The following PHLDB2 variants were observed in gnomAD, a reference collection of about 807,000 sequenced individuals.
The protein encoded by PHLDB2 is pleckstrin homology-like domain family B member 2.
In PHLDB2, 71 loss-of-function variants were observed where a neutral mutation model predicts 123.6. The observed-to-expected ratio is 0.57, with a 90% CI of 0.47 to 0.70. PHLDB2 has a LOEUF of 0.70. Ranked by LOEUF, PHLDB2 falls within the 30% of genes least tolerant of loss-of-function variation. The probability of loss-of-function intolerance (pLI) is 0.00; values close to 1 mark genes in which losing one functional copy is unlikely to be tolerated. For missense variants in PHLDB2, 1,446 were observed against 1,519.5 expected (o/e 0.95, Z 0.80); for synonymous variants, 547 against 541.6 (o/e 1.01, Z -0.14).
chr3:111,813,102 A>T (rs73855635), intron 1 of PHLDB2, among the ~76,000 whole-genome samples: 82 of 152,172 alleles, frequency 5.4e-4, no homozygotes, highest in African/African-American at 2.0e-3. Flanking sequence ...AACTTAAAAG[A>T]CTCCAGCTGA....
intron 12 of PHLDB2, among the ~76,000 whole-genome samples, chr3:111,955,811 A>G (rs1252136782): frequency 6.6e-6 from 1 of 152,216 alleles, no homozygotes; most frequent in Non-Finnish European, 1.5e-5. Context: ...ACACCAACAA[A>G]GACCATTAAG....
In PHLDB2 at chr3:111,884,570, G is replaced by A; in HGVS notation, c.493G>A (p.Gly165Arg). ...HKSHDNVYSLGGLEGRKASGS... is the reference protein window; with the variant it reads ...HKSHDNVYSLRGLEGRKASGS... ...ATCGCATGACAATGTCTACTCTCTTGGAGGGCTGGAAGGTCGGAAGGCATC... is the reference window on the plus strand; with the variant it reads ...ATCGCATGACAATGTCTACTCTCTTAGAGGGCTGGAAGGTCGGAAGGCATC... Residue 165 changes from glycine (G) to arginine (R), a missense_variant, in exon 2 of 18, where the codon GGA (glycine) becomes AGA (arginine). Physicochemically the swap from Gly to Arg is moderately radical, Grantham distance 125. Coordinates refer to ENST00000431670, the MANE Select transcript of PHLDB2 (RefSeq NM_001134438.2). 1 of 1,614,092 alleles carries A rather than the reference G, an allele frequency of 6.2e-7. No homozygotes were observed. Among genetic ancestry groups the A allele is most frequent in the Admixed American group, 1.7e-5 (1 of 60,012 alleles).
chr3:111,860,667 A>T (rs1398065417), intron 1 of PHLDB2, among the ~76,000 whole-genome samples: 2 of 151,862 alleles, frequency 1.3e-5, no homozygotes, highest in Non-Finnish European at 2.9e-5. Flanking sequence ...TACCTTTCTT[A>T]TGTAAAAGAG....
chr3:111,923,067 A>T (rs927676846), intron 5 of PHLDB2, among the ~76,000 whole-genome samples: 12 of 151,198 alleles, frequency 7.9e-5, no homozygotes, highest in Non-Finnish European at 1.5e-4. Context: ...CTACTACCTT[A>T]TCTCTCTTCT....
At chr3:111,845,692 T>C (rs902380347) in intron 1 of PHLDB2, 1 of 1,054,064 alleles carries the variant, frequency 9.5e-7, no homozygotes, top group Middle Eastern at 2.7e-4. Context: ...GTTTTTCAAC[T>C]TCAGCAGTAG....
intron 1 of PHLDB2, among the ~76,000 whole-genome samples, chr3:111,870,832 T>C (rs986421779): frequency 6.6e-6 from 1 of 152,172 alleles, no homozygotes; most frequent in African/African-American, 2.4e-5. Context: ...ACATCAGTGC[T>C]GAAAGAGACC....
intron 9 of PHLDB2, among the ~76,000 whole-genome samples, chr3:111,946,802 G>T (rs1279086830): frequency 6.6e-6 from 1 of 152,224 alleles, no homozygotes; most frequent in Non-Finnish European, 1.5e-5. Flanking sequence ...ACTCTGGGCT[G>T]CTCTGTGACT....
chr3:111,882,923 C>T (rs1302773008), intron 1 of PHLDB2, among the ~76,000 whole-genome samples: 1 of 152,226 alleles, frequency 6.6e-6, no homozygotes, highest in African/African-American at 2.4e-5. Flanking sequence ...GACATAACCT[C>T]TTCCTTAAAC....
chr3:111,857,184 G>A (rs960762813), upstream of PHLDB2, among the ~76,000 whole-genome samples: 2 of 152,156 alleles, frequency 1.3e-5, no homozygotes, highest in African/African-American at 4.8e-5. Flanking sequence ...GGGCACAGTG[G>A]CTCACACCTG....
intron 1 of PHLDB2, among the ~76,000 whole-genome samples, chr3:111,789,903 T>G (rs1203032897): frequency 6.6e-6 from 1 of 152,160 alleles, no homozygotes; most frequent in East Asian, 1.9e-4. Context: ...ATTCTTTGGT[T>G]CTCACCACCC....
intron 1 of PHLDB2, among the ~76,000 whole-genome samples, chr3:111,809,220 G>A (rs769087596): frequency 4.6e-5 from 7 of 152,120 alleles, no homozygotes; most frequent in East Asian, 1.9e-4. Flanking sequence ...GTGATGCTGC[G>A]GCTTCCTGGG....
At chr3:111,810,067 T>C (rs1177480103) in intron 1 of PHLDB2, among the ~76,000 whole-genome samples, 1 of 152,174 alleles carries the variant, frequency 6.6e-6, no homozygotes, top group African/African-American at 2.4e-5. Context: ...TAGTGCATCA[T>C]GTTATGGTTA....
At chr3:111,859,997 C>T (rs1459266272) in intron 1 of PHLDB2, 1 of 715,926 alleles carries the variant, frequency 1.4e-6, no homozygotes, top group Admixed American at 6.3e-5. Flanking sequence ...GGTGGCGAAC[C>T]CCGTTGTGCA....
At chr3:111,859,737 G>A (rs1273835025) in intron 1 of PHLDB2, 161 bp downstream of exon 1, 1 of 985,464 alleles carries the variant, frequency 1.0e-6, no homozygotes, top group Non-Finnish European at 1.2e-6. Context: ...TGCCCGGGCC[G>A]AGGAGGGGCG....
At chr3:111,855,434 T>C (rs1299563497), upstream of PHLDB2, among the ~76,000 whole-genome samples, 1 of 151,632 alleles carries the variant, frequency 6.6e-6, no homozygotes, top group Non-Finnish European at 1.5e-5. Flanking sequence ...TCTTTCTTTC[T>C]CTCTCTCCCC....
At chr3:111,852,591 C>T (rs115455596) in intron 2 of PHLDB2, among the ~76,000 whole-genome samples, 3,030 of 152,092 alleles carry the variant, frequency 0.02, 80 homozygotes, top group Admixed American at 0.068. Flanking sequence ...TCGAGGAATA[C>T]TGCTGTTAAG....
At chr3:111,835,514 GAAAATAA>G (rs2063355799) in intron 1 of PHLDB2, among the ~76,000 whole-genome samples, 1 of 152,148 alleles carries the variant, frequency 6.6e-6, no homozygotes, top group African/African-American at 2.4e-5. Context: ...AATAGCTGGT[GAAAATAA>G]TGGTAGGCAC....
intron 10 of PHLDB2, chr3:111,949,915 T>C: frequency 1.0e-6 from 1 of 977,828 alleles, no homozygotes; most frequent in Non-Finnish European, 1.2e-6. Flanking sequence ...GAATTTAGAG[T>C]TTGGGAATGT....
intron 1 of PHLDB2, among the ~76,000 whole-genome samples, chr3:111,798,304 A>C (rs1337502149): frequency 6.6e-6 from 1 of 152,336 alleles, no homozygotes; most frequent in East Asian, 1.9e-4. Context: ...AATTTTTCAA[A>C]AGATGTTTAA....
Sources: allele counts gnomAD v4.1 joint callset (sites outside exome capture counted in the v4.1 genomes callset), GRCh38; gene constraint gnomAD v4.1.1; transcripts MANE v1.5; gene names NCBI Gene and HGNC (gene_info 2026-07-23, HGNC 2026-07-21).